The following DYSF variants were observed in gnomAD, a reference collection of about 807,000 sequenced individuals.
DYSF encodes the protein dysferlin.
In DYSF, 212 loss-of-function variants were observed where a neutral mutation model predicts 274.9. That is an observed-to-expected ratio of 0.77 (90% CI 0.69 to 0.86). The LOEUF (loss-of-function observed/expected upper bound fraction) is 0.86. Among genes scored for constraint, DYSF ranks in the 40% least tolerant of loss-of-function variants. The pLI, the probability that DYSF is intolerant of heterozygous loss-of-function variation, is 0.00. For synonymous variants in DYSF, 1,091 were observed against 1,078.7 expected (o/e 1.01, Z -0.22); for missense variants, 2,666 against 2,783.2 (o/e 0.96, Z 0.95).
chr2:71,480,705 T>C (rs1380861140), intron 1 of DYSF, among the ~76,000 whole-genome samples, 178 bp from the exon 2 acceptor site: 4 of 151,994 alleles, frequency 2.6e-5, no homozygotes, highest in African/African-American at 9.7e-5. Flanking sequence ...GAGGGGGAAG[T>C]TGTGTGATTG....
At chr2:71,527,891 T>C (rs1278433896) in intron 13 of DYSF, among the ~76,000 whole-genome samples, 2 of 152,070 alleles carry the variant, frequency 1.3e-5, no homozygotes, top group Admixed American at 6.5e-5. Context: ...TTGGTTAACC[T>C]CAGGTAAATC....
At chr2:71,601,428 T>G in intron 34 of DYSF, 71 bp from the exon 35 acceptor site, 1 of 1,585,112 alleles carries the variant, frequency 6.3e-7, no homozygotes, top group Non-Finnish European at 8.7e-7. Context: ...ACATAGTCCA[T>G]GAGTGTCATG....
intron 1 of DYSF, among the ~76,000 whole-genome samples, chr2:71,457,071 A>G (rs575214914): frequency 6.6e-6 from 1 of 152,346 alleles, no homozygotes; most frequent in South Asian, 2.1e-4. Flanking sequence ...GCTAAGCACA[A>G]AAGCATACCA....
intron 24 of DYSF, among the ~76,000 whole-genome samples, chr2:71,567,746 G>T (rs1023979243): frequency 3.3e-5 from 5 of 152,026 alleles, no homozygotes; most frequent in African/African-American, 1.2e-4. Context: ...AGGAATCTTG[G>T]TGAGGGGTAG....
At chr2:71,519,651 C>CT (rs940489560) in intron 10 of DYSF, among the ~76,000 whole-genome samples, 22 of 148,108 alleles carry the variant, frequency 1.5e-4, no homozygotes, top group South Asian at 1.1e-3. Context: ...TTCCTTTCCT[C>CT]TTTTTTTTTT....
At chr2:71,488,101 G>A (rs1300683113) in intron 3 of DYSF, among the ~76,000 whole-genome samples, 1 of 150,890 alleles carries the variant, frequency 6.6e-6, no homozygotes, top group African/African-American at 2.5e-5. Flanking sequence ...AAAACTTAAT[G>A]TCAACCAAAA....
chr2:71,630,585 C>T (rs557334556), intron 41 of DYSF, among the ~76,000 whole-genome samples: 142 of 152,292 alleles, frequency 9.3e-4, no homozygotes, highest in Non-Finnish European at 1.6e-3. Flanking sequence ...AAATATAGCT[C>T]CCTGGGGCAT....
intron 1 of DYSF, among the ~76,000 whole-genome samples, chr2:71,460,297 G>A (rs981029565): frequency 1.3e-5 from 2 of 152,142 alleles, no homozygotes; most frequent in South Asian, 2.1e-4. Flanking sequence ...CCGGGGAGGC[G>A]TGCCGCTTCC....
rs1267463991 is a variant in DYSF at position 71,664,281 on chromosome 2, A to G, written c.5017A>G (p.Thr1673Ala). ...EPVFGKMFEL[T>A]CTLPLEKDLK... ...CCCCTCCTGCAGGATGTTCGAGCTG[A>G]CCTGCACTCTGCCTCTGGAGAAGGA... is the stretch of plus-strand genomic sequence containing the variant. The change falls in exon 46 of 56, where the codon ACC (threonine) becomes GCC (alanine). Residue 1673 changes from threonine to alanine, a missense_variant. This residue lies in a region of DYSF where 1,460 missense variants were observed against 1,502.1 expected (regional missense o/e 0.97). Coordinates refer to ENST00000410020, the MANE Select transcript of DYSF (RefSeq NM_001130987.2). 1 of 1,614,102 alleles carries G rather than the reference A, an allele frequency of 6.2e-7. No individual in the cohort carries two copies. The highest frequency in any genetic ancestry group is 1.1e-5 in the South Asian group (1 of 91,074).
intron 3 of DYSF, among the ~76,000 whole-genome samples, chr2:71,493,727 C>T (rs2084091582): frequency 6.6e-6 from 1 of 151,946 alleles, no homozygotes; most frequent in Non-Finnish European, 1.5e-5. Context: ...TGGCATGCGC[C>T]TGTAGTCCCA....
chr2:71,681,134 C>T, intron 54 of DYSF, 24 bp downstream of exon 54: 2 of 1,602,940 alleles, frequency 1.2e-6, no homozygotes, highest in Non-Finnish European at 1.7e-6. Context: ...CCCTGAGCCC[C>T]AATGCCCACA....
chr2:71,522,281 A>C (rs2087373441), intron 12 of DYSF, among the ~76,000 whole-genome samples: 3 of 145,216 alleles, frequency 2.1e-5, no homozygotes, highest in East Asian at 2.1e-4. Context: ...CCCTTTTTCC[A>C]CTCCATTGCC....
intron 4 of DYSF, among the ~76,000 whole-genome samples, chr2:71,508,759 C>T (rs1000103779): frequency 3.3e-5 from 5 of 152,220 alleles, no homozygotes; most frequent in Admixed American, 1.3e-4. Flanking sequence ...CGTTCATCTA[C>T]TCCCCTTTCT....
intron 41 of DYSF, among the ~76,000 whole-genome samples, chr2:71,638,509 G>A (rs2094440429): frequency 6.6e-6 from 1 of 152,134 alleles, no homozygotes; most frequent in Non-Finnish European, 1.5e-5. Flanking sequence ...CCCAGCCCCT[G>A]GCAACCACTA....
At chr2:71,675,785 AT>A (rs1241025109) in intron 52 of DYSF, among the ~76,000 whole-genome samples, 1 of 152,118 alleles carries the variant, frequency 6.6e-6, no homozygotes, top group African/African-American at 2.4e-5. Flanking sequence ...TTTGGCATGT[AT>A]TATTGTATTA....
At chr2:71,494,738 C>T (rs1367495821) in intron 3 of DYSF, among the ~76,000 whole-genome samples, 2 of 152,226 alleles carry the variant, frequency 1.3e-5, no homozygotes, top group East Asian at 3.8e-4. Context: ...GTTGAAAGAC[C>T]TCTGGGTCAT....
At chr2:71,664,202 G>A (rs777914430) in intron 45 of DYSF, 66 bp from the exon 46 acceptor site, 27 of 1,608,702 alleles carry the variant, frequency 1.7e-5, no homozygotes, top group Admixed American at 1.2e-4. Context: ...TCGAGCTCTT[G>A]TCCTGCCCTG....
At chr2:71,549,540 G>C (rs1007219398) in intron 17 of DYSF, 7 of 744,000 alleles carry the variant, frequency 9.4e-6, no homozygotes, top group Non-Finnish European at 1.6e-5. Context: ...ACTTACCTTT[G>C]CTGTCACCTC....
intron 1 of DYSF, among the ~76,000 whole-genome samples, chr2:71,476,016 C>A (rs1237930329): frequency 6.6e-6 from 1 of 152,162 alleles, no homozygotes; most frequent in Non-Finnish European, 1.5e-5. Flanking sequence ...AGGCGATCCT[C>A]CCACCTCAGC....
Sources: allele counts gnomAD v4.1 joint callset (sites outside exome capture counted in the v4.1 genomes callset), GRCh38; gene constraint gnomAD v4.1.1; regional missense constraint gnomAD v4.1.1; transcripts MANE v1.5; gene names NCBI Gene and HGNC (gene_info 2026-07-23, HGNC 2026-07-21).